PURG: variants seen among roughly 807,000 people sequenced by gnomAD.
PURG encodes the protein purine rich element binding protein G.
In PURG, 3 loss-of-function variants were observed where a neutral mutation model predicts 24.3. The ratio of observed to expected loss-of-function variants is 0.12; its 90% CI spans 0.06 to 0.32. The LOEUF is 0.32. Ranked by LOEUF, PURG falls within the 10% of genes least tolerant of loss-of-function variation. The probability of loss-of-function intolerance (pLI) is 1.00; values close to 1 mark genes in which losing one functional copy is unlikely to be tolerated. For missense variants in PURG, 371 were observed against 439.1 expected, an observed-to-expected ratio of 0.84 and a Z score of 1.39; for synonymous variants, 180 against 173.1, an observed-to-expected ratio of 1.04 and a Z score of -0.31.
At chr8:31,006,183 C>T (rs751266880) in intron 1 of PURG, among the ~76,000 whole-genome samples, 14 of 152,208 alleles carry the variant, frequency 9.2e-5, no homozygotes, top group South Asian at 2.1e-4. Context: ...CTTTATTACA[C>T]TACCTGACAA....
intron 1 of PURG, among the ~76,000 whole-genome samples, chr8:31,017,714 T>C (rs1810903327): frequency 6.6e-6 from 1 of 152,200 alleles, no homozygotes. Context: ...TAGATATGAT[T>C]GCATTTGTAG....
At chr8:31,009,853 A>G (rs1810731765) in intron 1 of PURG, among the ~76,000 whole-genome samples, 1 of 152,218 alleles carries the variant, frequency 6.6e-6, no homozygotes, top group Admixed American at 6.5e-5. Flanking sequence ...CTTCTAACTT[A>G]TCATGTGGTC....
At chr8:31,025,197 A>AC (rs919790523) in intron 1 of PURG, among the ~76,000 whole-genome samples, 1 of 152,000 alleles carries the variant, frequency 6.6e-6, no homozygotes, top group Non-Finnish European at 1.5e-5. Context: ...AATATAATTT[A>AC]CCAGAAAGCA....
In PURG at chr8:31,030,942, T is replaced by C. The variant is rs550164984; in HGVS notation, c.*797A>G. 3.9e-5 allele frequency: 6 copies of C among 152,432 alleles called. No individual in the cohort carries two copies. Among genetic ancestry groups the C allele is most frequent in the South Asian group, 2.1e-4 (1 of 4,804 alleles). The allele number at this position is 152,432 out of a possible 1,614,324, so 9.4% of individuals were successfully genotyped here. On this transcript the variant is annotated 3_prime_UTR_variant, in exon 2 of 2. Coordinates refer to ENST00000523392, the MANE Select transcript of PURG (RefSeq NM_001323311.2). ...CACCAAGATTTCCATAGCAAAGCCA[T>C]TGGATGAAGCCTCCCACTCAATGTG...
At chr8:31,009,228 C>T (rs143258248) in intron 1 of PURG, among the ~76,000 whole-genome samples, 1,711 of 152,184 alleles carry the variant, frequency 0.011, 24 homozygotes, top group African/African-American at 0.039. Context: ...AGTTCAAGAC[C>T]AGTCTGGCCA....
At chr8:31,029,862 A>C (rs1029233751), downstream of PURG, among the ~76,000 whole-genome samples, 7 of 151,900 alleles carry the variant, frequency 4.6e-5, no homozygotes, top group Non-Finnish European at 7.4e-5. Flanking sequence ...AATCCTTGCT[A>C]CTTTTAGAGT....
intron 1 of PURG, among the ~76,000 whole-genome samples, chr8:31,018,984 C>T (rs978965344): frequency 1.1e-4 from 17 of 149,446 alleles, no homozygotes; most frequent in African/African-American, 3.9e-4. Context: ...AAAAATTAGG[C>T]GTTGTGGCGG....
At chr8:31,026,446 T>C (rs936628039), downstream of PURG, among the ~76,000 whole-genome samples, 7 of 151,526 alleles carry the variant, frequency 4.6e-5, no homozygotes, top group Admixed American at 2.6e-4. Context: ...TAAATACCAA[T>C]GGGATTCATT....
intron 1 of PURG, among the ~76,000 whole-genome samples, chr8:30,997,621 C>A (rs578064464): frequency 6.6e-6 from 1 of 151,542 alleles, no homozygotes; most frequent in Non-Finnish European, 1.5e-5. Flanking sequence ...GATAAGTAAA[C>A]TTACAGAAAA....
At chr8:31,020,633 A>C (rs533199054) in intron 1 of PURG, among the ~76,000 whole-genome samples, 23 of 152,348 alleles carry the variant, frequency 1.5e-4, no homozygotes, top group African/African-American at 5.1e-4. Flanking sequence ...AAAAGGGAAG[A>C]AAATAATTTT....
chr8:31,024,917 G>T (rs1019030125), intron 1 of PURG, among the ~76,000 whole-genome samples: 1 of 151,762 alleles, frequency 6.6e-6, no homozygotes, highest in Non-Finnish European at 1.5e-5. Context: ...AATGAAAACC[G>T]AATAGAAAAA....
At chr8:31,029,378 A>T (rs1043568032), downstream of PURG, among the ~76,000 whole-genome samples, 81 of 151,962 alleles carry the variant, frequency 5.3e-4, 1 homozygote, top group African/African-American at 1.9e-3. Flanking sequence ...CTAATTCTTT[A>T]CTTAAATAAT....
intron 1 of PURG, among the ~76,000 whole-genome samples, chr8:31,017,465 C>T (rs978641079): frequency 6.6e-6 from 1 of 151,652 alleles, no homozygotes; most frequent in African/African-American, 2.4e-5. Context: ...TAATATTTAT[C>T]TGGAGGAATA....
At chr8:31,014,042 T>C (rs941664270) in intron 1 of PURG, among the ~76,000 whole-genome samples, 2 of 152,122 alleles carry the variant, frequency 1.3e-5, no homozygotes, top group African/African-American at 4.8e-5. Flanking sequence ...AATTTTATAA[T>C]GGAAATCAAA....
chr8:31,011,778 C>T (rs559387511), intron 1 of PURG, among the ~76,000 whole-genome samples: 1 of 152,210 alleles, frequency 6.6e-6, no homozygotes, highest in East Asian at 1.9e-4. Flanking sequence ...TTATTGTATC[C>T]CTAGACCCTA....
intron 1 of PURG, among the ~76,000 whole-genome samples, chr8:31,002,457 G>T (rs1165604733): frequency 2.0e-5 from 3 of 152,026 alleles, no homozygotes; most frequent in African/African-American, 7.2e-5. Flanking sequence ...TCCTTCTTTT[G>T]CAATGATACC....
intron 1 of PURG, among the ~76,000 whole-genome samples, chr8:31,003,270 G>A (rs574927698): frequency 2.0e-5 from 3 of 152,288 alleles, no homozygotes; most frequent in Admixed American, 6.5e-5. Flanking sequence ...TATTTTAGTC[G>A]TAGGTGAAAG....
Position 31,033,082 on chromosome 8 carries a change from T to C in PURG, c.-11A>G, listed in dbSNP as rs1585374189. 1 of 204,458 alleles carries C rather than the reference T, an allele frequency of 4.9e-6. No homozygotes were observed. The highest frequency in any genetic ancestry group is 9.5e-6 in the Non-Finnish European group (1 of 105,464). The allele number at this position is 204,458 out of a possible 1,614,324, so 12.7% of individuals were successfully genotyped here. A position where few individuals can be genotyped will look rare whatever the true frequency, so the allele number is the denominator to read the frequency against. ...CTCCAGCCGGCGGGCACTCACATCA[T>C]CTCTGCCATCACCGCCGCCGCCGAT... On this transcript the variant is annotated 5_prime_UTR_variant, in exon 1 of 2. An upstream start codon of the reference 5' UTR is lost. Transcript: ENST00000523392.
intron 1 of PURG, among the ~76,000 whole-genome samples, chr8:31,009,057 TTTTATA>T (rs768553344): frequency 3.3e-5 from 5 of 152,364 alleles, no homozygotes; most frequent in Middle Eastern, 6.8e-3. Context: ...TTGATCTGAC[TTTTATA>T]TTTATAACTA....
Sources: allele counts gnomAD v4.1 joint callset (sites outside exome capture counted in the v4.1 genomes callset), GRCh38; gene constraint gnomAD v4.1.1; transcripts MANE v1.5; gene names NCBI Gene and HGNC (gene_info 2026-07-23, HGNC 2026-07-21).